Variants in NEB observed in about 807,000 individuals in gnomAD.
The protein encoded by NEB is nebulin.
A neutral mutation model predicts 952.2 loss-of-function variants in NEB; 512 were observed. The observed-to-expected ratio is 0.54, with a 90% CI of 0.50 to 0.58. NEB has a LOEUF of 0.58. NEB is among the 20% of genes least tolerant of loss of function. The pLI, the probability that NEB is intolerant of heterozygous loss-of-function variation, is 0.00. For missense variants in NEB, 8,428 were observed against 9,231.1 expected (o/e 0.91, Z 3.56); for synonymous variants, 2,900 against 3,149.8 (o/e 0.92, Z 2.66).
rs765189771 is a variant in NEB, at chr2:151,551,788, T to C, written c.19894A>G (p.Lys6632Glu). 19 of 1,613,420 alleles carry C rather than the reference T, an allele frequency of 1.2e-5. No homozygotes were observed. In the East Asian group the frequency reaches 4.0e-4, roughly 34 times the overall value. ...AGGGCCCGGTCCAGATCCACGGTTT[T>C]GGTAGTTGGAGCCACTTTGCCTCTG... is the stretch of plus-strand genomic sequence containing the variant. ...SVRGKVAPTT[K>E]TVDLDRALHA... is the part of the protein sequence containing the mutation. The change falls in exon 129 of 182, where the codon AAA (lysine) becomes GAA (glutamate). Residue 6632 changes from lysine (K) to glutamate (E), a missense_variant. This residue lies in a region of NEB where 3,374 missense variants were observed against 3,651.5 expected (regional missense o/e 0.92). Coordinates refer to ENST00000397345, the MANE Select transcript of NEB (RefSeq NM_001164508.2).
intron 36 of NEB, among the ~76,000 whole-genome samples, chr2:151,673,381 A>C (rs1268489516): frequency 6.6e-6 from 1 of 151,896 alleles, no homozygotes; most frequent in African/African-American, 2.4e-5. Flanking sequence ...AGAGTTTAGC[A>C]GGCAAAAGGA....
chr2:151,578,798 A>G (rs1289265789), intron 105 of NEB, among the ~76,000 whole-genome samples: 1 of 151,204 alleles, frequency 6.6e-6, no homozygotes, highest in Non-Finnish European at 1.5e-5. Flanking sequence ...AAGGGCGGGC[A>G]AGGCTGGGCA....
At chr2:151,690,359 GT>G (rs2149084634) in intron 24 of NEB, 1 of 200,018 alleles carries the variant, frequency 5.0e-6, no homozygotes, top group South Asian at 8.4e-5. Flanking sequence ...CAAAATCTTT[GT>G]TAGCAAATTC....
Position 151,516,469 on chromosome 2 carries a change from A to G in NEB, c.22895T>C (p.Met7632Thr). 1 of 1,610,894 alleles carries G rather than the reference A, an allele frequency of 6.2e-7. No individual in the cohort carries two copies. Among genetic ancestry groups the G allele is most frequent in the Non-Finnish European group, 8.5e-7 (1 of 1,177,384 alleles). ...GTTTTTTTGACTTACCCCACTCTGC[A>G]TCTGCTGAGACTCTTTGGCAGTGAT... ...TYITAKESQQ[M>T]QSGKEYRKDY... The change falls in exon 157 of 182, where the codon ATG (methionine) becomes ACG (threonine). Residue 7632 changes from methionine to threonine, a missense_variant. Physicochemically the swap from Met to Thr is moderately conservative, Grantham distance 81 (BLOSUM62 -1). Coordinates refer to ENST00000397345, the MANE Select transcript of NEB (RefSeq NM_001164508.2).
At chr2:151,577,609 C>G (rs1328197793) in intron 105 of NEB, among the ~76,000 whole-genome samples, 1 of 152,142 alleles carries the variant, frequency 6.6e-6, no homozygotes, top group Non-Finnish European at 1.5e-5. Flanking sequence ...GAGACGGAGT[C>G]TCACTCTGCC....
chr2:151,540,351 G>T lies in NEB; in HGVS notation c.20885C>A (p.Ala6962Asp), dbSNP rs866095068. 1 of 1,570,916 alleles carries T rather than the reference G, an allele frequency of 6.4e-7. No homozygotes were observed. Among genetic ancestry groups the T allele is most frequent in the Admixed American group, 1.8e-5 (1 of 54,710 alleles). The change falls in exon 138 of 182, where the codon GCC becomes GAC. Residue 6962 changes from alanine (A) to aspartate (D), a missense_variant. By Grantham distance (126) the Ala-to-Asp change is moderately radical (BLOSUM62 -2). This residue lies in a region of NEB where 3,374 missense variants were observed against 3,651.5 expected (regional missense o/e 0.92). Transcript: ENST00000397345. The stretch of plus-strand genomic sequence containing the variant: ...AAAGGAAGGGATGCATACATCACTG[G>T]CATTCCAGTAAGCCCTCTTGGCTCT... ...LIRAKRAYWN[A>D]SDLRYKETFQ...
At chr2:151,636,577 C>T (rs867849853) in intron 63 of NEB, among the ~76,000 whole-genome samples, 10 of 152,026 alleles carry the variant, frequency 6.6e-5, no homozygotes, top group East Asian at 1.9e-4. Context: ...GTCAGGAGTT[C>T]GAGACCAGCA....
intron 134 of NEB, 103 bp from the exon 135 acceptor site, chr2:151,546,101 C>A: frequency 1.2e-6 from 1 of 835,810 alleles, no homozygotes. Context: ...CTGAGCAGGG[C>A]TTTCATGTGT....
In NEB at chr2:151,498,251, C is replaced by A; in HGVS notation, c.24207+9G>T. The A allele has an allele frequency of 6.4e-7, 1 of 1,551,170 alleles. No homozygotes were observed. Among genetic ancestry groups the A allele is most frequent in the Non-Finnish European group, 8.7e-7 (1 of 1,146,576 alleles). On this transcript the variant is annotated intron_variant, in intron 170 of 181. Transcript: ENST00000397345. The stretch of plus-strand genomic sequence containing the variant: ...AAGTGGCATTTTTTCCCCTTTCTTT[C>A]CAAAATACCGAGCTAAGGTTTTCTT...
At chr2:151,506,832 A>G in intron 163 of NEB, 77 bp downstream of exon 163, 3 of 948,636 alleles carry the variant, frequency 3.2e-6, no homozygotes, top group South Asian at 2.7e-5. Context: ...GTGTATCAAT[A>G]TAAGGCTAGT....
chr2:151,546,117 ATG>A (rs1439923189), intron 134 of NEB, 119 bp from the exon 135 acceptor site: 6 of 768,568 alleles, frequency 7.8e-6, no homozygotes, highest in Non-Finnish European at 1.3e-5. Context: ...TGTGTCCTGG[ATG>A]TCTTCCCAGG....
At chr2:151,630,642 G>T (rs2098648207) in intron 67 of NEB, 73 bp downstream of exon 67, 3 of 1,213,784 alleles carry the variant, frequency 2.5e-6, no homozygotes, top group Non-Finnish European at 3.6e-6. Context: ...TGACAGCTGA[G>T]GCCCAAGAAT....
chr2:151,550,890 C>T (rs1173030618), intron 129 of NEB, among the ~76,000 whole-genome samples: 1 of 151,648 alleles, frequency 6.6e-6, no homozygotes, highest in East Asian at 1.9e-4. Flanking sequence ...AGCCATCTGC[C>T]TGCCATGACC....
intron 168 of NEB, among the ~76,000 whole-genome samples, chr2:151,499,920 T>G (rs537095240): frequency 3.3e-5 from 5 of 152,286 alleles, no homozygotes; most frequent in Non-Finnish European, 5.9e-5. Context: ...CTGGGCAATT[T>G]TGCCTAAATG....
At chr2:151,541,645 G>GT in intron 135 of NEB, 94 bp from the exon 136 acceptor site, 2 of 944,640 alleles carry the variant, frequency 2.1e-6, no homozygotes, top group Non-Finnish European at 3.3e-6. Flanking sequence ...AGAAAAGGCA[G>GT]GAGCCCTCCC....
intron 63 of NEB, among the ~76,000 whole-genome samples, chr2:151,638,185 T>TA (rs939294086): frequency 8.5e-5 from 13 of 152,322 alleles, no homozygotes; most frequent in South Asian, 2.1e-4. Context: ...TAAGATGTCT[T>TA]AGAGTTTAAG....
rs753828020 is a variant in NEB at position 151,485,710 on chromosome 2, T to C, written c.*50A>G. 5.2e-6 allele frequency: 8 copies of C among 1,540,678 alleles called. No homozygotes were observed. The highest frequency in any genetic ancestry group is 1.8e-6 in the Non-Finnish European group (2 of 1,138,218). Reference sequence around the variant, plus strand: ...CAGTGGAGAGTCTAAACCGAAACATTGACTGCAGGATCTGTAAGTCCTGCA... The same window carrying C: ...CAGTGGAGAGTCTAAACCGAAACATCGACTGCAGGATCTGTAAGTCCTGCA... On this transcript the variant is annotated 3_prime_UTR_variant, in exon 182 of 182. Transcript: ENST00000397345.
intron 139 of NEB, 29 bp downstream of exon 139, chr2:151,538,111 A>C: frequency 6.4e-7 from 1 of 1,565,290 alleles, no homozygotes; most frequent in Non-Finnish European, 8.8e-7. Flanking sequence ...TGTAGAGCCC[A>C]ACACAAGTAG....
At chr2:151,622,203 T>C (rs1449771837) in intron 71 of NEB, among the ~76,000 whole-genome samples, 1 of 152,070 alleles carries the variant, frequency 6.6e-6, no homozygotes, top group East Asian at 1.9e-4. Flanking sequence ...GTGTTGCTGA[T>C]CTCAAACTCT....
Sources: gnomAD v4.1 joint callset for allele counts (sites outside exome capture counted in the v4.1 genomes callset) on GRCh38, gnomAD v4.1.1 for gene constraint, gnomAD v4.1.1 regional missense constraint, MANE v1.5 for transcripts, NCBI Gene and HGNC (gene_info 2026-07-23, HGNC 2026-07-21) for gene names.